BRCA1: variants seen among roughly 807,000 people sequenced by gnomAD.
BRCA1 encodes the protein breast cancer type 1 susceptibility protein.
BRCA1 carries 140 observed loss-of-function variants against 173.7 expected under a neutral mutation model. The ratio of observed to expected loss-of-function variants is 0.81; its 90% CI spans 0.70 to 0.93. The LOEUF is 0.93. Among genes scored for constraint, BRCA1 ranks in the 40% least tolerant of loss-of-function variants. The pLI is 0.00. For missense variants in BRCA1, 1,983 were observed against 2,172.5 expected (o/e 0.91, Z 1.73); for synonymous variants, 662 against 756.0 (o/e 0.88, Z 2.04).
At chr17:43,151,113 C>T (rs1043172010) in intron 1 of BRCA1, among the ~76,000 whole-genome samples, 7 of 152,132 alleles carry the variant, frequency 4.6e-5, no homozygotes, top group East Asian at 3.8e-4. Flanking sequence ...CAGTGAAATT[C>T]GGGTATAAGG....
At chr17:43,096,153 GA>G (rs1271921307) in intron 8 of BRCA1, among the ~76,000 whole-genome samples, 12 of 152,068 alleles carry the variant, frequency 7.9e-5, no homozygotes, top group African/African-American at 2.7e-4. Flanking sequence ...GAGGCGGGTG[GA>G]CCACTTGAGG....
intron 15 of BRCA1, among the ~76,000 whole-genome samples, chr17:43,069,867 C>T (rs2052307573): frequency 6.6e-6 from 1 of 152,116 alleles, no homozygotes; most frequent in African/African-American, 2.4e-5. Context: ...ATGGCACACC[C>T]ACTACTGAAT....
At chr17:43,109,893 C>G (rs1435120783) in intron 3 of BRCA1, among the ~76,000 whole-genome samples, 1 of 151,192 alleles carries the variant, frequency 6.6e-6, no homozygotes, top group African/African-American at 2.4e-5. Flanking sequence ...GATAAGGATT[C>G]GAATCTTTTT....
At chr17:43,058,467 A>G (rs2051610247) in intron 18 of BRCA1, among the ~76,000 whole-genome samples, 1 of 152,226 alleles carries the variant, frequency 6.6e-6, no homozygotes. Context: ...AAGTAAAATC[A>G]TTCTTTTTGG....
In BRCA1 at chr17:43,117,726, T is replaced by C. The variant is rs190387252; in HGVS notation, c.81-1947A>G. Reference sequence around the variant, plus strand: ...TGTACTCCAACCTGGGCGACAGAGCTGGACTCCATCTCAAAATAATAATAA... The same window carrying C: ...TGTACTCCAACCTGGGCGACAGAGCCGGACTCCATCTCAAAATAATAATAA... On this transcript the variant is annotated intron_variant, in intron 2 of 22. Transcript: ENST00000357654. Among the ~76,000 whole-genome samples, 285 of 152,170 alleles carry C rather than the reference T, an allele frequency of 1.9e-3. No homozygotes were observed. Among genetic ancestry groups the C allele is most frequent in the African/African-American group, 6.6e-3 (273 of 41,530 alleles).
chr17:43,049,906 C>T (rs1337641513), intron 20 of BRCA1, among the ~76,000 whole-genome samples: 2 of 152,162 alleles, frequency 1.3e-5, no homozygotes, highest in Non-Finnish European at 1.5e-5. Context: ...TCTGACTGAA[C>T]GAAGGTTGAC....
chr17:43,121,367 C>T (rs1456823563), intron 2 of BRCA1, among the ~76,000 whole-genome samples: 5 of 149,876 alleles, frequency 3.3e-5, no homozygotes, highest in African/African-American at 7.4e-5. Context: ...AGAGCGAGAC[C>T]GTGTCTCAAA....
intron 18 of BRCA1, among the ~76,000 whole-genome samples, chr17:43,063,079 G>A (rs936775648): frequency 1.3e-5 from 2 of 151,936 alleles, no homozygotes; most frequent in African/African-American, 4.8e-5. Flanking sequence ...TAGTAGAAAC[G>A]GGGTTTCTCC....
At chr17:43,155,612 A>C (rs2056191936) in intron 1 of BRCA1, among the ~76,000 whole-genome samples, 1 of 152,074 alleles carries the variant, frequency 6.6e-6, no homozygotes. Context: ...GGCTCACTGC[A>C]ACCTCTGCCT....
intron 2 of BRCA1, among the ~76,000 whole-genome samples, chr17:43,117,692 T>G (rs1045468656): frequency 1.3e-5 from 2 of 152,260 alleles, no homozygotes; most frequent in African/African-American, 4.8e-5. Context: ...TGAGCCAAGA[T>G]CGCGCCACTG....
At chr17:43,062,894 AT>A (rs544103365) in intron 18 of BRCA1, among the ~76,000 whole-genome samples, 12 of 148,260 alleles carry the variant, frequency 8.1e-5, no homozygotes, top group Middle Eastern at 3.4e-3. Flanking sequence ...ACTGCACCCG[AT>A]TTTTTTTTTC....
intron 14 of BRCA1, among the ~76,000 whole-genome samples, chr17:43,072,274 A>C (rs2052484040): frequency 6.6e-6 from 1 of 151,118 alleles, no homozygotes; most frequent in Admixed American, 6.6e-5. Flanking sequence ...CTGTAATCCC[A>C]GCTACTGGGG....
upstream of BRCA1, among the ~76,000 whole-genome samples, chr17:43,128,227 C>T (rs201185318): frequency 6.6e-6 from 1 of 152,070 alleles, no homozygotes; most frequent in African/African-American, 2.4e-5. Flanking sequence ...CTGAAGCCAG[C>T]GAGACCACGA....
At chr17:43,062,666 T>G (rs1323738758) in intron 18 of BRCA1, among the ~76,000 whole-genome samples, 1 of 152,108 alleles carries the variant, frequency 6.6e-6, no homozygotes, top group Non-Finnish European at 1.5e-5. Flanking sequence ...GGCACGATCT[T>G]GGCTCATTGC....
At chr17:43,061,572 G>A (rs2153508551) in intron 18 of BRCA1, among the ~76,000 whole-genome samples, 1 of 151,622 alleles carries the variant, frequency 6.6e-6, no homozygotes, top group East Asian at 1.9e-4. Flanking sequence ...GTGCACAATA[G>A]TTTATAAAAT....
At chr17:43,169,447 G>A (rs558819269) in intron 1 of BRCA1, among the ~76,000 whole-genome samples, 3 of 152,288 alleles carry the variant, frequency 2.0e-5, no homozygotes, top group East Asian at 1.9e-4. Flanking sequence ...GAATACAGGC[G>A]TAAGCCACCA....
chr17:43,067,811 C>A (rs1032762080), intron 15 of BRCA1, 116 bp from the exon 16 acceptor site: 1 of 699,336 alleles, frequency 1.4e-6, no homozygotes, highest in African/African-American at 2.0e-5. Context: ...ACGTTCTACA[C>A]GTGTCCTGGA....
intron 3 of BRCA1, among the ~76,000 whole-genome samples, chr17:43,114,573 A>T (rs911385027): frequency 6.6e-6 from 1 of 152,142 alleles, no homozygotes; most frequent in Non-Finnish European, 1.5e-5. Context: ...ACCCCAAGTT[A>T]AGAACTCTGG....
At chr17:43,154,605 C>T (rs1567834266) in intron 1 of BRCA1, among the ~76,000 whole-genome samples, 1 of 152,082 alleles carries the variant, frequency 6.6e-6, no homozygotes, top group Non-Finnish European at 1.5e-5. Flanking sequence ...CAGTTCCCAT[C>T]CCTACCTGTC....
Sources: gnomAD v4.1 joint callset for allele counts (sites outside exome capture counted in the v4.1 genomes callset) on GRCh38, gnomAD v4.1.1 for gene constraint, MANE v1.5 for transcripts, NCBI Gene and HGNC (gene_info 2026-07-23, HGNC 2026-07-21) for gene names.